Variants in XXYLT1 observed in about 807,000 individuals in gnomAD.
XXYLT1 encodes the protein UDP-xylose:alpha-xyloside alpha-1,3-xylosyltransferase.
A neutral mutation model predicts 28.9 loss-of-function variants in XXYLT1; 20 were observed. The ratio of observed to expected loss-of-function variants is 0.69; its 90% CI spans 0.49 to 1.00. The LOEUF is 1.00. Among genes scored for constraint, XXYLT1 ranks in the 50% least tolerant of loss-of-function variants. The pLI is 0.00. For synonymous variants in XXYLT1, 257 were observed against 253.8 expected (o/e 1.01, Z -0.12); for missense variants, 542 against 560.1 (o/e 0.97, Z 0.33).
chr3:195,159,206 A>C (rs111854194), intron 2 of XXYLT1, among the ~76,000 whole-genome samples: 10 of 152,322 alleles, frequency 6.6e-5, no homozygotes, highest in African/African-American at 2.4e-4. Context: ...GGCTGCCTGA[A>C]TGTCCACCAT....
At chr3:195,207,328 GCAGGAGGGCTC>G (rs958582409) in intron 2 of XXYLT1, 13 of 375,716 alleles carry the variant, frequency 3.5e-5, no homozygotes, top group African/African-American at 2.3e-4. Flanking sequence ...GTCTGGCTGG[GCAGGAGGGCTC>G]CAGGAAACAG....
intron 3 of XXYLT1, among the ~76,000 whole-genome samples, chr3:195,151,338 G>T (rs1258965825): frequency 6.6e-6 from 1 of 152,086 alleles, no homozygotes; most frequent in Non-Finnish European, 1.5e-5. Context: ...GAGGTCAGCA[G>T]TTCGAGACCA....
At chr3:195,109,278 CT>C (rs1201260731) in intron 3 of XXYLT1, among the ~76,000 whole-genome samples, 1 of 152,126 alleles carries the variant, frequency 6.6e-6, no homozygotes, top group African/African-American at 2.4e-5. Context: ...AGCTGAACAC[CT>C]TGAGGCACAC....
In XXYLT1 at chr3:195,107,668, A is replaced by G. The variant is rs11927564; in HGVS notation, c.786-37557T>C. 3.8e-3 allele frequency among the ~76,000 whole-genome samples: 89 copies of G among 23,274 alleles called. 3 individuals are homozygous for G. The highest frequency in any genetic ancestry group is 0.011 in the African/African-American group (48 of 4,396). The allele number at this position is 23,274 out of a possible 152,430, so 15.3% of individuals were successfully genotyped here. A position where few individuals can be genotyped will look rare whatever the true frequency, so the allele number is the denominator to read the frequency against. ...AGGAGGAGGAGGAGGGGGAGGAGGA[A>G]GGGGAGGAGAGCCACAAGTGCCAGG... On this transcript the variant is annotated intron_variant, in intron 3 of 3. Transcript: ENST00000310380.
Position 195,226,670 on chromosome 3 carries a change from AGACACCCAGGGGCTATTGCTCCT to A in XXYLT1, c.652+16_652+38del. 1 of 1,595,904 alleles carries A rather than the reference AGACACCCAGGGGCTATTGCTCCT, an allele frequency of 6.3e-7. No individual in the cohort carries two copies. Among genetic ancestry groups the A allele is most frequent in the Non-Finnish European group, 8.5e-7 (1 of 1,172,082 alleles). ...AACCAGGGAAATGGATGCAAAAGTC[AGACACCCAGGGGCTATTGCTCCT>A]GGAAGCCCAGGTTACCTTTGGGCAT... On this transcript the variant is annotated intron_variant, in intron 2 of 3. Transcript: ENST00000310380.
At chr3:195,163,986 C>T (rs1430446314) in intron 2 of XXYLT1, among the ~76,000 whole-genome samples, 1 of 152,260 alleles carries the variant, frequency 6.6e-6, no homozygotes, top group Non-Finnish European at 1.5e-5. Flanking sequence ...CTTCTCATAG[C>T]TCACTAGACA....
chr3:195,095,489 G>A (rs1193055408), intron 3 of XXYLT1: 2 of 153,946 alleles, frequency 1.3e-5, no homozygotes, highest in Non-Finnish European at 2.9e-5. Context: ...CTAGAGCTGA[G>A]CCTTGCAGAT....
rs557661778 is a variant in XXYLT1, at chr3:195,078,770, C to A, written c.786-8659G>T. The stretch of plus-strand genomic sequence containing the variant: ...CACACTTCCAGAGCTGTCCTCCCCA[C>A]CTCCCATCGCACCATCCGGCTGGCA... On this transcript the variant is annotated intron_variant, in intron 3 of 3. Transcript: ENST00000310380. This position sits in a 1 kb window ranked among gnomAD's most constrained non-coding sequence, Gnocchi z 5.0. Among the ~76,000 whole-genome samples, 158 of 152,218 alleles carry A rather than the reference C, an allele frequency of 1.0e-3. No individual in the cohort carries two copies. The highest frequency in any genetic ancestry group is 3.7e-3 in the African/African-American group (154 of 41,526).
chr3:195,254,231 T>C (rs1487349926), intron 1 of XXYLT1, among the ~76,000 whole-genome samples: 1 of 152,218 alleles, frequency 6.6e-6, no homozygotes, highest in Non-Finnish European at 1.5e-5. Flanking sequence ...AGCCCCACCC[T>C]GCACTGACCA....
chr3:195,147,264 G>T (rs1303473579), intron 3 of XXYLT1, among the ~76,000 whole-genome samples: 1 of 152,038 alleles, frequency 6.6e-6, no homozygotes, highest in African/African-American at 2.4e-5. Context: ...CACACACAAT[G>T]AGCCAAATAA....
chr3:195,119,156 C>T (rs1353980016), intron 3 of XXYLT1, among the ~76,000 whole-genome samples: 3 of 110,612 alleles, frequency 2.7e-5, no homozygotes, highest in African/African-American at 6.5e-5. Context: ...TGGTGGCACG[C>T]GCCTGTAATC....
rs1034888588 is a variant in XXYLT1 at position 195,076,547 on chromosome 3, CTG to C, written c.786-6438_786-6437del. ...ATTTTTACCTAAAGACCACTGGGCT[CTG>C]TTAGTTCGCTAGGGCTGCCATCGCA... is the stretch of plus-strand genomic sequence containing the variant. On this transcript the variant is annotated intron_variant, in intron 3 of 3. Coordinates refer to ENST00000310380, the MANE Select transcript of XXYLT1 (RefSeq NM_152531.5). This position sits in a 1 kb window ranked among gnomAD's most constrained non-coding sequence, Gnocchi z 5.3. Among the ~76,000 whole-genome samples, 8 of 152,270 alleles carry C rather than the reference CTG, an allele frequency of 5.3e-5. No individual in the cohort carries two copies. The highest frequency in any genetic ancestry group is 5.2e-4 in the Admixed American group (8 of 15,298).
intron 3 of XXYLT1, among the ~76,000 whole-genome samples, chr3:195,118,556 C>T (rs938719003): frequency 2.0e-5 from 3 of 152,266 alleles, no homozygotes; most frequent in African/African-American, 4.8e-5. Flanking sequence ...CTTGCAATCA[C>T]CTTCTGAAGG....
intron 1 of XXYLT1, among the ~76,000 whole-genome samples, chr3:195,248,131 G>T (rs1322127090): frequency 6.6e-6 from 1 of 152,136 alleles, no homozygotes; most frequent in Non-Finnish European, 1.5e-5. Context: ...CATCCAGAGG[G>T]GTGCAAAAGG....
rs1464113087 is a variant in XXYLT1 at position 195,257,417 on chromosome 3, G to A, written c.504+13138C>T. Among the ~76,000 whole-genome samples, 1 of 152,216 alleles carries A rather than the reference G, an allele frequency of 6.6e-6. No homozygotes were observed. Among genetic ancestry groups the A allele is most frequent in the African/African-American group, 2.4e-5 (1 of 41,450 alleles). ...CAGGGGAAAGGGGCTCACCAGGGTGGAGGTGAGAGGTAGGTCCCCACATAA... is the reference window on the plus strand; with the variant it reads ...CAGGGGAAAGGGGCTCACCAGGGTGAAGGTGAGAGGTAGGTCCCCACATAA... On this transcript the variant is annotated intron_variant, in intron 1 of 3. Transcript: ENST00000310380. The surrounding 1 kb of genome is among the most constrained non-coding windows in gnomAD (Gnocchi z 4.3).
chr3:195,173,903 G>A lies in XXYLT1; in HGVS notation c.653-17322C>T, dbSNP rs1489280587. Among the ~76,000 whole-genome samples, 2 of 152,210 alleles carry A rather than the reference G, an allele frequency of 1.3e-5. No homozygotes were observed. The highest frequency in any genetic ancestry group is 2.9e-5 in the Non-Finnish European group (2 of 68,044). On this transcript the variant is annotated intron_variant, in intron 2 of 3. Transcript: ENST00000310380. This position sits in a 1 kb window ranked among gnomAD's most constrained non-coding sequence, Gnocchi z 4.3. Reference sequence around the variant, plus strand: ...ATTGCTGGGGTCTTCCCCAGGTCACGAGACTAAGGGCTGTGTCAGTAGGCA... The same window carrying A: ...ATTGCTGGGGTCTTCCCCAGGTCACAAGACTAAGGGCTGTGTCAGTAGGCA...
intron 1 of XXYLT1, among the ~76,000 whole-genome samples, chr3:195,228,522 A>C (rs1577172273): frequency 2.5e-5 from 3 of 118,526 alleles, no homozygotes; most frequent in South Asian, 2.5e-4. Flanking sequence ...ATGGAGTCTC[A>C]CTCTGTCAAC....
intron 1 of XXYLT1, among the ~76,000 whole-genome samples, chr3:195,248,502 C>G (rs376063541): frequency 6.6e-6 from 1 of 152,214 alleles, no homozygotes; most frequent in African/African-American, 2.4e-5. Context: ...CCACAAAAGA[C>G]GGGAGTTTCT....
At chr3:195,216,405 A>G (rs557696138) in intron 2 of XXYLT1, among the ~76,000 whole-genome samples, 147 of 150,622 alleles carry the variant, frequency 9.8e-4, no homozygotes, top group African/African-American at 3.4e-3. Flanking sequence ...CAAAATTGAT[A>G]GACCACTAGC....
Sources: allele counts gnomAD v4.1 joint callset (sites outside exome capture counted in the v4.1 genomes callset), GRCh38; gene constraint gnomAD v4.1.1; non-coding constraint Gnocchi (gnomAD v3.1); transcripts MANE v1.5; gene names NCBI Gene and HGNC (gene_info 2026-07-23, HGNC 2026-07-21).